RABEP2: variants seen among roughly 807,000 people sequenced by gnomAD.
RABEP2 encodes rabaptin, RAB GTPase binding effector protein 2.
Under a neutral mutation model 74.1 loss-of-function variants are expected in RABEP2, and 57 were observed. That is an observed-to-expected ratio of 0.77 (90% CI 0.62 to 0.96). The LOEUF (loss-of-function observed/expected upper bound fraction) is 0.96. Ranked by LOEUF, RABEP2 falls within the 40% of genes least tolerant of loss-of-function variation. The pLI is 0.00. For synonymous variants in RABEP2, 351 were observed against 344.0 expected, an observed-to-expected ratio of 1.02 and a Z score of -0.23; for missense variants, 692 against 756.3, an observed-to-expected ratio of 0.91 and a Z score of 1.00.
chr16:28,924,877 G>A (rs1340109232), intron 1 of RABEP2: 1 of 744,932 alleles, frequency 1.3e-6, no homozygotes, highest in Admixed American at 2.0e-5. Flanking sequence ...TAGTGGCCGC[G>A]CCCCTTCCTC....
At chr16:28,908,988 T>G (rs1044921875) in intron 7 of RABEP2, among the ~76,000 whole-genome samples, 2 of 136,512 alleles carry the variant, frequency 1.5e-5, no homozygotes, top group African/African-American at 5.9e-5. Flanking sequence ...AAGCCAGATA[T>G]TTTACTTGGT....
At chr16:28,925,065 TCAC>T (rs1964517109) in intron 1 of RABEP2, 35 bp downstream of exon 1, 1 of 1,518,222 alleles carries the variant, frequency 6.6e-7, no homozygotes, top group African/African-American at 1.4e-5. Flanking sequence ...GCCCCCAGCA[TCAC>T]CGTTCCCCGC....
intron 3 of RABEP2, among the ~76,000 whole-genome samples, chr16:28,918,229 G>A (rs1376846737): frequency 2.0e-5 from 3 of 151,748 alleles, no homozygotes; most frequent in African/African-American, 4.8e-5. Flanking sequence ...ACAGGCGCCC[G>A]CCACCGCGCC....
At chr16:28,905,152 A>C in intron 12 of RABEP2, 108 bp from the exon 13 acceptor site, 1 of 895,140 alleles carries the variant, frequency 1.1e-6, no homozygotes, top group Admixed American at 2.5e-5. Flanking sequence ...CCCAGGGGCC[A>C]CCTCTAGGGG....
At chr16:28,921,235 A>G in intron 2 of RABEP2, 1 of 455,948 alleles carries the variant, frequency 2.2e-6, no homozygotes, top group Non-Finnish European at 4.4e-6. Context: ...GAAATTAATC[A>G]AACACAAAGC....
At position 28,919,809 on chromosome 16, in the gene RABEP2, A is replaced by T. The variant is rs753057044; in HGVS notation, c.409T>A (p.Ser137Thr). 1 of 1,609,272 alleles carries T rather than the reference A, an allele frequency of 6.2e-7. No homozygotes were observed. Among genetic ancestry groups the T allele is most frequent in the East Asian group, 2.2e-5 (1 of 44,794 alleles). The change falls in exon 3 of 13, where the codon TCC (serine) becomes ACC (threonine). Residue 137 changes from serine to threonine, a missense_variant. By Grantham distance (58) the Ser-to-Thr change is moderately conservative. Coordinates refer to ENST00000358201, the MANE Select transcript of RABEP2 (RefSeq NM_024816.3). ...ACCTTTTCCATCTGCTTCTCCAGGG[A>T]GTCCAGGGGGTAGGCCCGGGACAGC... ...QLLSRAYPLD[S>T]LEKQMEKAHE... is the part of the protein sequence containing the mutation.
rs769005863 is a variant in RABEP2 at position 28,905,438 on chromosome 16, G to A, written c.1567C>T (p.Gln523Ter). 6.2e-7 allele frequency: 1 copy of A among 1,607,490 alleles called. No individual in the cohort carries two copies. Among genetic ancestry groups the A allele is most frequent in the Non-Finnish European group, 8.5e-7 (1 of 1,177,928 alleles). The change falls in exon 12 of 13, where the codon CAG becomes TAG. Residue 523 changes from glutamine to a stop codon, truncating the protein, a stop_gained. Transcript: ENST00000358201. LOFTEE classifies it high-confidence loss of function. ...RLQAELETSE[Q>*]VQRDFVRLSQ... is the part of the protein sequence containing the mutation. ...AGTCGCACGAAATCCCTCTGCACCT[G>A]CTCACTGGTCTCCAGCTCTGCCTGC...
At chr16:28,923,463 G>A (rs1964494139) in intron 2 of RABEP2, among the ~76,000 whole-genome samples, 1 of 151,868 alleles carries the variant, frequency 6.6e-6, no homozygotes, top group African/African-American at 2.4e-5. Flanking sequence ...TATTATTTAG[G>A]ACACACCTGG....
intron 2 of RABEP2, among the ~76,000 whole-genome samples, chr16:28,922,752 C>T (rs1399988655): frequency 2.7e-5 from 4 of 150,458 alleles, no homozygotes; most frequent in African/African-American, 4.9e-5. Flanking sequence ...AAATTAGCCA[C>T]GTGTGGTGGC....
chr16:28,912,355 T>C (rs777485064), intron 5 of RABEP2, among the ~76,000 whole-genome samples: 2 of 150,996 alleles, frequency 1.3e-5, no homozygotes, highest in Non-Finnish European at 2.9e-5. Flanking sequence ...GCCTCTCAGC[T>C]TCTCCTGTGT....
At chr16:28,920,531 G>A (rs943056647) in intron 2 of RABEP2, among the ~76,000 whole-genome samples, 3 of 151,658 alleles carry the variant, frequency 2.0e-5, no homozygotes, top group East Asian at 1.9e-4. Context: ...GATTACAGGC[G>A]CCCACCACCA....
chr16:28,919,981 C>A, intron 2 of RABEP2, 38 bp from the exon 3 acceptor site: 1 of 1,537,072 alleles, frequency 6.5e-7, no homozygotes, highest in Non-Finnish European at 8.8e-7. Context: ...GAGGGAGGGT[C>A]AATGAGCCAG....
chr16:28,906,067 C>A lies in RABEP2; in HGVS notation c.1375G>T (p.Ala459Ser). 1 of 1,599,492 alleles carries A rather than the reference C, an allele frequency of 6.3e-7. No individual in the cohort carries two copies. Among genetic ancestry groups the A allele is most frequent in the Non-Finnish European group, 8.5e-7 (1 of 1,173,926 alleles). The change falls in exon 9 of 13, where the codon GCC becomes TCC. Residue 459 changes from alanine (A) to serine (S), a missense_variant. Ala to Ser is a moderately conservative substitution (Grantham distance 99). Transcript: ENST00000358201. ...AGCTGCCCCTCCAGGCTGGCCCTGG[C>A]CACTGTCTCCTCCTCCAGAGCCTCC... is the stretch of plus-strand genomic sequence containing the variant. ...LREALEEETV[A>S]RASLEGQLRV...
intron 2 of RABEP2, among the ~76,000 whole-genome samples, chr16:28,921,914 G>A (rs1047594661): frequency 2.0e-5 from 3 of 151,932 alleles, no homozygotes; most frequent in African/African-American, 4.8e-5. Flanking sequence ...GCAGTGAACC[G>A]AGATTGTGCC....
chr16:28,913,852 T>A (rs981715341), intron 5 of RABEP2, among the ~76,000 whole-genome samples: 4 of 144,850 alleles, frequency 2.8e-5, no homozygotes, highest in Non-Finnish European at 6.0e-5. Context: ...ACGATCTCGG[T>A]TCACTGCAAC....
intron 8 of RABEP2, among the ~76,000 whole-genome samples, chr16:28,907,279 C>T (rs1964249702): frequency 6.6e-6 from 1 of 150,912 alleles, no homozygotes; most frequent in South Asian, 2.1e-4. Context: ...ACCTCAGACA[C>T]TTGAGTTGCT....
At chr16:28,915,018 T>C (rs1002221289) in intron 3 of RABEP2, among the ~76,000 whole-genome samples, 1 of 150,072 alleles carries the variant, frequency 6.7e-6, no homozygotes, top group Non-Finnish European at 1.5e-5. Context: ...TCACTCACCA[T>C]GTCTTCCTTC....
intron 7 of RABEP2, 121 bp from the exon 8 acceptor site, chr16:28,908,885 T>A (rs1444749375): frequency 1.9e-6 from 2 of 1,071,642 alleles, no homozygotes; most frequent in African/African-American, 3.2e-5. Context: ...ACCCTCTCTG[T>A]TCCTAAGCAA....
chr16:28,912,342 C>T (rs985438636), intron 5 of RABEP2, among the ~76,000 whole-genome samples: 3 of 151,948 alleles, frequency 2.0e-5, no homozygotes, highest in South Asian at 2.1e-4. Flanking sequence ...CACCACAGTC[C>T]CAGCCTCTCA....
Sources: gnomAD v4.1 joint callset for allele counts (sites outside exome capture counted in the v4.1 genomes callset) on GRCh38, gnomAD v4.1.1 for gene constraint, MANE v1.5 for transcripts, NCBI Gene and HGNC (gene_info 2026-07-23, HGNC 2026-07-21) for gene names.